The following DNAJB6 variants were observed in gnomAD, a reference collection of about 807,000 sequenced individuals.
DNAJB6 encodes DnaJ heat shock protein family (Hsp40) member B6.
A neutral mutation model predicts 42.7 loss-of-function variants in DNAJB6; 16 were observed. That is an observed-to-expected ratio of 0.37 (90% CI 0.25 to 0.57). The LOEUF (loss-of-function observed/expected upper bound fraction) is 0.57. Among genes scored for constraint, DNAJB6 ranks in the 20% least tolerant of loss-of-function variants. DNAJB6 has a pLI of 0.74. For synonymous variants in DNAJB6, 170 were observed against 163.5 expected, an observed-to-expected ratio of 1.04 and a Z score of -0.30; for missense variants, 347 against 416.8, an observed-to-expected ratio of 0.83 and a Z score of 1.46.
intron 9 of DNAJB6, chr7:157,410,510 C>T (rs1340611464): frequency 5.6e-6 from 1 of 178,942 alleles, no homozygotes; most frequent in East Asian, 1.5e-4. Flanking sequence ...CCGTGGGGTT[C>T]TTGGCCGCCC....
At chr7:157,399,133 G>T (rs532291327) in intron 8 of DNAJB6, among the ~76,000 whole-genome samples, 1 of 152,210 alleles carries the variant, frequency 6.6e-6, no homozygotes, top group African/African-American at 2.4e-5. Context: ...TCTTAAGGAT[G>T]TTTGTAGAAG....
intron 5 of DNAJB6, among the ~76,000 whole-genome samples, chr7:157,377,721 A>G (rs1339556428): frequency 2.0e-5 from 3 of 152,190 alleles, no homozygotes; most frequent in Non-Finnish European, 4.4e-5. Flanking sequence ...CTCATCCAGA[A>G]TCACCCAGAA....
intron 8 of DNAJB6, among the ~76,000 whole-genome samples, chr7:157,398,060 T>C: frequency 6.6e-6 from 1 of 152,230 alleles, no homozygotes; most frequent in East Asian, 1.9e-4. Flanking sequence ...CTGCCCTGTG[T>C]TTGAAGCCGG....
intron 8 of DNAJB6, among the ~76,000 whole-genome samples, chr7:157,387,482 T>A (rs1801127526): frequency 6.6e-6 from 1 of 152,216 alleles, no homozygotes; most frequent in South Asian, 2.1e-4. Flanking sequence ...CTAAATAAAT[T>A]CAAGTAGATA....
intron 5 of DNAJB6, chr7:157,368,922 G>C (rs1164922930): frequency 4.6e-6 from 1 of 219,328 alleles, no homozygotes; most frequent in East Asian, 1.5e-4. Context: ...GCACGAAGAA[G>C]CATAATCACT....
intron 9 of DNAJB6, chr7:157,411,254 ACGGTTCCCTGCACTGAGC>A (rs1795964068): frequency 4.3e-3 from 13 of 3,012 alleles, no homozygotes; most frequent in Admixed American, 6.0e-3. Context: ...GAGACTCCCC[ACGGTTCCCTGCACTGAGC>A]GGGCGTGGGG....
chr7:157,340,427 GAGA>G (rs1293815554), intron 1 of DNAJB6, among the ~76,000 whole-genome samples: 2 of 152,134 alleles, frequency 1.3e-5, no homozygotes, highest in African/African-American at 4.8e-5. Context: ...TGAGGTTAAT[GAGA>G]AGAAGAGCAA....
intron 5 of DNAJB6, among the ~76,000 whole-genome samples, chr7:157,367,952 T>TCAA (rs1307759340): frequency 6.6e-6 from 1 of 151,570 alleles, no homozygotes; most frequent in Non-Finnish European, 1.5e-5. Flanking sequence ...AAACCCTGTC[T>TCAA]CAACAACAAC....
intron 1 of DNAJB6, among the ~76,000 whole-genome samples, chr7:157,339,650 A>T (rs1437168529): frequency 9.0e-6 from 1 of 111,034 alleles, no homozygotes; most frequent in African/African-American, 3.4e-5. Flanking sequence ...TGTGTGTGAG[A>T]TGGAGTTTAG....
chr7:157,355,468 C>CT, intron 1 of DNAJB6, among the ~76,000 whole-genome samples: 1 of 152,166 alleles, frequency 6.6e-6, no homozygotes, highest in South Asian at 2.1e-4. Context: ...CCAGCATTCC[C>CT]GTGGTTTCTT....
chr7:157,362,559 C>T (rs1364205112), intron 2 of DNAJB6, among the ~76,000 whole-genome samples: 2 of 151,748 alleles, frequency 1.3e-5, no homozygotes, highest in Non-Finnish European at 2.9e-5. Context: ...TTTTTAGTAG[C>T]GTTGGGGTTT....
intron 8 of DNAJB6, among the ~76,000 whole-genome samples, chr7:157,399,871 G>A (rs531405551): frequency 1.3e-4 from 20 of 152,228 alleles, no homozygotes; most frequent in Non-Finnish European, 1.8e-4. Flanking sequence ...GTTTCACCAC[G>A]TTGGCCAGGC....
In DNAJB6 at chr7:157,416,979, G is replaced by C. The variant is rs918667243; in HGVS notation, c.*881G>C. 4 of 152,182 alleles carry C rather than the reference G, an allele frequency of 2.6e-5. No homozygotes were observed. The highest frequency in any genetic ancestry group is 2.6e-4 in the Admixed American group (4 of 15,270). The allele number at this position is 152,182 out of a possible 1,614,324, so 9.4% of individuals were successfully genotyped here. On this transcript the variant is annotated 3_prime_UTR_variant, in exon 10 of 10. Transcript: ENST00000262177. ...CCCACTTCCGGTCATTATTTCGTTT[G>C]CATGATGTATTGCTTCTTCACGTTT... is the stretch of plus-strand genomic sequence containing the variant.
rs1331115630 is a variant in DNAJB6, at chr7:157,382,295, C to A, written c.396C>A (p.Ser132Arg). The A allele has an allele frequency of 1.9e-6, 3 of 1,611,810 alleles. No homozygotes were observed. In the Admixed American group the frequency reaches 5.1e-5, roughly 27 times the overall value. ...FFGNRRGPRGSRSRGTGSFFS... is the reference protein window; with the variant it reads ...FFGNRRGPRGRRSRGTGSFFS... ...GGAATCGAAGGGGTCCCCGAGGAAG[C>A]AGAAGCCGAGGGACGGGGTCGTTTT... The change falls in exon 6 of 10, where the codon AGC (serine) becomes AGA (arginine). Residue 132 changes from serine to arginine, a missense_variant. By Grantham distance (110) the Ser-to-Arg change is moderately radical (BLOSUM62 -1). Around this residue, in one of 3 missense-constraint regions of DNAJB6, gnomAD observed 264 missense variants for 288.0 expected, o/e 0.92. Coordinates refer to ENST00000262177, the MANE Select transcript of DNAJB6 (RefSeq NM_058246.4).
chr7:157,361,378 C>T (rs1026219170), intron 2 of DNAJB6, among the ~76,000 whole-genome samples: 8 of 152,080 alleles, frequency 5.3e-5, no homozygotes, highest in African/African-American at 9.7e-5. Context: ...AGGATGGTCT[C>T]GATCTCTTGA....
Position 157,390,407 on chromosome 7 carries a change from C to T in DNAJB6, c.691+4796C>T, listed in dbSNP as rs558236067. On this transcript the variant is annotated intron_variant, in intron 8 of 9. Coordinates refer to ENST00000262177, the MANE Select transcript of DNAJB6 (RefSeq NM_058246.4). ...TCTGCCCTGTTAGGTTGGTTTCTCT[C>T]TTAAACAGGGCAGCGCTGTCATCCC... Among the ~76,000 whole-genome samples, 57 of 152,350 alleles carry T rather than the reference C, an allele frequency of 3.7e-4. 1 individual carries two copies. The highest frequency in any genetic ancestry group is 3.3e-3 in the Admixed American group (51 of 15,308).
intron 8 of DNAJB6, among the ~76,000 whole-genome samples, chr7:157,400,031 G>A (rs1159480269): frequency 6.6e-6 from 1 of 152,194 alleles, no homozygotes; most frequent in Non-Finnish European, 1.5e-5. Context: ...CAAAGTTTTT[G>A]TTTAGTTGGG....
At chr7:157,406,484 C>T (rs1020333766) in intron 8 of DNAJB6, among the ~76,000 whole-genome samples, 9 of 152,346 alleles carry the variant, frequency 5.9e-5, no homozygotes, top group African/African-American at 1.9e-4. Context: ...CCACCTGCCA[C>T]GTGTGCCAGC....
chr7:157,368,137 C>T (rs1799933133), intron 5 of DNAJB6, among the ~76,000 whole-genome samples: 5 of 152,134 alleles, frequency 3.3e-5, no homozygotes, highest in Admixed American at 3.3e-4. Context: ...AGCACAGTAG[C>T]TGTAAAATCT....
Sources: allele counts gnomAD v4.1 joint callset (sites outside exome capture counted in the v4.1 genomes callset), GRCh38; gene constraint gnomAD v4.1.1; regional missense constraint gnomAD v4.1.1; transcripts MANE v1.5; gene names NCBI Gene and HGNC (gene_info 2026-07-23, HGNC 2026-07-21).